Variants in CSMD1 observed in about 807,000 individuals in gnomAD.
CSMD1 encodes CUB and sushi domain-containing protein 1.
CSMD1 carries 213 observed loss-of-function variants against 417.5 expected under a neutral mutation model. That is an observed-to-expected ratio of 0.51 (90% CI 0.46 to 0.57). The LOEUF is 0.57. Ranked by LOEUF, CSMD1 falls within the 20% of genes least tolerant of loss-of-function variation. The pLI is 0.00. For synonymous variants in CSMD1, 2,862 were observed against 1,736.8 expected (o/e 1.65, Z -16.11); for missense variants, 6,923 against 4,529.7 (o/e 1.53, Z -15.17).
chr8:3,328,330 T>A (rs1411427097), intron 23 of CSMD1, among the ~76,000 whole-genome samples: 1 of 152,184 alleles, frequency 6.6e-6, no homozygotes, highest in African/African-American at 2.4e-5. Flanking sequence ...ATATGCTGCT[T>A]AAGGCACCTC....
intron 3 of CSMD1, among the ~76,000 whole-genome samples, chr8:4,151,924 A>G (rs1169860521): frequency 3.3e-5 from 5 of 152,196 alleles, no homozygotes; most frequent in Admixed American, 1.3e-4. Flanking sequence ...ATCAGCAGAG[A>G]TAAGTTTTGC....
At chr8:3,370,728 A>G (rs1024443946) in intron 18 of CSMD1, among the ~76,000 whole-genome samples, 3 of 152,202 alleles carry the variant, frequency 2.0e-5, no homozygotes, top group Non-Finnish European at 4.4e-5. Flanking sequence ...TAATCCCAGC[A>G]CTTTGGGAGG....
Position 3,189,989 on chromosome 8 carries a change from T to C in CSMD1, c.5321A>G (p.Gln1774Arg). The change falls in exon 34 of 70, where the codon CAG (glutamine) becomes CGG (arginine). Residue 1774 changes from glutamine (Q) to arginine (R), a missense_variant. Coordinates refer to ENST00000635120, the MANE Select transcript of CSMD1 (RefSeq NM_033225.6). ...CTGGCAGTGGAGCGCCGTGGAACCC[T>C]GAAGCAGGTATCCCGGGTTGCACTC... Reference protein sequence around the residue: ...RFECNPGYLLQGSTALHCQSV... With the variant: ...RFECNPGYLLRGSTALHCQSV... 6.3e-7 allele frequency: 1 copy of C among 1,599,434 alleles called. No individual in the cohort carries two copies. Among genetic ancestry groups the C allele is most frequent in the Non-Finnish European group, 8.5e-7 (1 of 1,173,294 alleles).
intron 5 of CSMD1, among the ~76,000 whole-genome samples, chr8:3,909,502 G>A (rs763990192): frequency 6.6e-6 from 1 of 152,104 alleles, no homozygotes; most frequent in Non-Finnish European, 1.5e-5. Context: ...CTTTCTCCCA[G>A]AAGCAGGAAT....
At chr8:4,527,924 C>A (rs1796604970) in intron 2 of CSMD1, among the ~76,000 whole-genome samples, 1 of 152,076 alleles carries the variant, frequency 6.6e-6, no homozygotes, top group East Asian at 1.9e-4. Context: ...GTGCCTGCTT[C>A]CTGAGGGTGT....
At chr8:3,473,334 G>C (rs943071480) in intron 11 of CSMD1, among the ~76,000 whole-genome samples, 5 of 152,076 alleles carry the variant, frequency 3.3e-5, no homozygotes, top group Non-Finnish European at 5.9e-5. Flanking sequence ...CCTGCTATGT[G>C]ACAGTTATAT....
At chr8:4,450,512 G>A (rs1563187934) in intron 2 of CSMD1, among the ~76,000 whole-genome samples, 1 of 152,092 alleles carries the variant, frequency 6.6e-6, no homozygotes, top group Non-Finnish European at 1.5e-5. Flanking sequence ...GTGCGGGCCT[G>A]TAGTGCCAGC....
chr8:4,021,948 T>A (rs1796809088), intron 4 of CSMD1, among the ~76,000 whole-genome samples: 1 of 151,952 alleles, frequency 6.6e-6, no homozygotes, highest in Non-Finnish European at 1.5e-5. Context: ...CTTTATTTTT[T>A]TCAACTAGCT....
intron 5 of CSMD1, among the ~76,000 whole-genome samples, chr8:3,793,126 T>C (rs1353909655): frequency 6.6e-6 from 1 of 151,924 alleles, no homozygotes; most frequent in East Asian, 1.9e-4. Flanking sequence ...CCCACAAGAG[T>C]GGAAGGAACT....
At chr8:2,958,044 T>C (rs890285560) in intron 62 of CSMD1, among the ~76,000 whole-genome samples, 14 of 152,222 alleles carry the variant, frequency 9.2e-5, no homozygotes, top group African/African-American at 3.4e-4. Flanking sequence ...TAGACGGCTG[T>C]TTGGGTAAAG....
intron 3 of CSMD1, among the ~76,000 whole-genome samples, chr8:4,302,080 G>C (rs190455010): frequency 8.1e-4 from 124 of 152,240 alleles, no homozygotes; most frequent in African/African-American, 2.4e-3. Flanking sequence ...ACTTTATGAA[G>C]ACCCCTTGTA....
chr8:3,479,958 T>C (rs531836873), intron 11 of CSMD1, among the ~76,000 whole-genome samples: 2 of 152,120 alleles, frequency 1.3e-5, no homozygotes, highest in African/African-American at 2.4e-5. Context: ...AAACTAAAAA[T>C]AGCTAGATTT....
chr8:4,308,432 G>A (rs977613567), intron 3 of CSMD1, among the ~76,000 whole-genome samples: 11 of 151,996 alleles, frequency 7.2e-5, no homozygotes, highest in African/African-American at 2.4e-4. Flanking sequence ...AAAGTCTGAT[G>A]ATGGGAAAAA....
At chr8:4,593,967 T>G (rs933391862) in intron 2 of CSMD1, among the ~76,000 whole-genome samples, 1 of 152,194 alleles carries the variant, frequency 6.6e-6, no homozygotes, top group South Asian at 2.1e-4. Flanking sequence ...CTCCAAACCC[T>G]GCCTGTGGAG....
At chr8:4,147,189 A>C (rs910545068) in intron 3 of CSMD1, among the ~76,000 whole-genome samples, 9 of 150,874 alleles carry the variant, frequency 6.0e-5, no homozygotes, top group South Asian at 2.1e-4. Flanking sequence ...ACCAGGCAAC[A>C]CTCCCTCACA....
chr8:4,308,916 G>T (rs1201052470), intron 3 of CSMD1, among the ~76,000 whole-genome samples: 1 of 152,022 alleles, frequency 6.6e-6, no homozygotes, highest in Non-Finnish European at 1.5e-5. Context: ...AATATCAAAG[G>T]TCCATTTATT....
chr8:4,455,718 G>A (rs189700919), intron 2 of CSMD1, among the ~76,000 whole-genome samples: 4 of 151,814 alleles, frequency 2.6e-5, no homozygotes, highest in East Asian at 3.9e-4. Flanking sequence ...ATCACCTGAG[G>A]TCAGGAGTTC....
At chr8:3,493,580 C>T (rs1796228697) in intron 11 of CSMD1, 43 bp downstream of exon 11, 1 of 1,515,490 alleles carries the variant, frequency 6.6e-7, no homozygotes, top group Non-Finnish European at 9.0e-7. Context: ...CCGTGCCCCG[C>T]ACTGCATGCA....
At chr8:4,778,456 T>A (rs1193327362) in intron 1 of CSMD1, among the ~76,000 whole-genome samples, 1 of 152,212 alleles carries the variant, frequency 6.6e-6, no homozygotes, top group Non-Finnish European at 1.5e-5. Flanking sequence ...CCAGGAATTG[T>A]AATGTATTTT....
Sources: gnomAD v4.1 joint callset for allele counts (sites outside exome capture counted in the v4.1 genomes callset) on GRCh38, gnomAD v4.1.1 for gene constraint, MANE v1.5 for transcripts, NCBI Gene and HGNC (gene_info 2026-07-23, HGNC 2026-07-21) for gene names.